The following TSGA10 variants were observed in gnomAD, a reference collection of about 807,000 sequenced individuals.
TSGA10 encodes the protein testis-specific gene 10 protein.
TSGA10 carries 43 observed loss-of-function variants against 96.6 expected under a neutral mutation model. That is an observed-to-expected ratio of 0.44 (90% CI 0.35 to 0.57). TSGA10 has a LOEUF of 0.57. Ranked by LOEUF, TSGA10 falls within the 20% of genes least tolerant of loss-of-function variation. The pLI is 0.01. For missense variants in TSGA10, 703 were observed against 834.4 expected, an observed-to-expected ratio of 0.84 and a Z score of 1.94; for synonymous variants, 229 against 269.9, an observed-to-expected ratio of 0.85 and a Z score of 1.48.
intron 1 of TSGA10, chr2:99,147,599 T>C: frequency 1.0e-6 from 1 of 977,102 alleles, no homozygotes; most frequent in Non-Finnish European, 1.6e-6. Context: ...GTTACCATTC[T>C]TTTACGTTTG....
At chr2:99,143,311 T>G (rs557729134) in intron 1 of TSGA10, among the ~76,000 whole-genome samples, 10 of 151,298 alleles carry the variant, frequency 6.6e-5, no homozygotes, top group East Asian at 2.0e-4. Context: ...CCAGCTTTTT[T>G]TTTGTTTGTT....
Position 99,108,933 on chromosome 2 carries a change from T to G in TSGA10, c.110A>C (p.Lys37Thr). The change falls in exon 7 of 21, where the codon AAA becomes ACA. Residue 37 changes from lysine (K) to threonine (T), a missense_variant. This residue lies in a region of TSGA10 where 585 missense variants were observed against 656.8 expected (regional missense o/e 0.89). Coordinates refer to ENST00000393483, the MANE Select transcript of TSGA10 (RefSeq NM_025244.4). ...GCGCTCATATTTTTCCAGCATGCAT[T>G]TAAGTTCTTCACGATCTCTTGTTGT... The part of the protein sequence containing the change: ...KTTTRDREEL[K>T]CMLEKYERHL... The G allele has an allele frequency of 6.2e-7, 1 of 1,608,174 alleles. No homozygotes were observed.
chr2:99,113,770 C>G (rs991570125), intron 4 of TSGA10, among the ~76,000 whole-genome samples: 12 of 152,012 alleles, frequency 7.9e-5, no homozygotes, highest in Non-Finnish European at 2.9e-5. Context: ...TGGTCTTGAA[C>G]TCCTGACCTG....
At chr2:99,119,382 T>C (rs1421275511) in intron 2 of TSGA10, among the ~76,000 whole-genome samples, 1 of 152,164 alleles carries the variant, frequency 6.6e-6, no homozygotes. Flanking sequence ...AACCTTATGT[T>C]GCCTCATGAC....
rs750757651 is a variant in TSGA10 at position 99,104,118 on chromosome 2, G to C, written c.460C>G (p.Leu154Val). ...IEELECTVHN[L>V]DDERMEQMSN... The stretch of plus-strand genomic sequence containing the variant: ...ATTTGCTCCATACGTTCATCATCAA[G>C]CTATACAAGTAGAATGACAAGGTTA... Residue 154 changes from leucine to valine, a missense_variant and splice_region_variant, in exon 10 of 21, where the codon CTT becomes GTT. This residue lies in a region of TSGA10 where 585 missense variants were observed against 656.8 expected (regional missense o/e 0.89). Transcript: ENST00000393483. The C allele has an allele frequency of 6.2e-7, 1 of 1,613,286 alleles. No homozygotes were observed. Among genetic ancestry groups the C allele is most frequent in the Non-Finnish European group, 8.5e-7 (1 of 1,179,814 alleles).
chr2:99,129,744 T>C lies in TSGA10; in HGVS notation c.-620-2568A>G, dbSNP rs142259716. On this transcript the variant is annotated intron_variant, in intron 1 of 20. Transcript: ENST00000393483. ...AAGGCAAGTGAAACAATGTTCCTTCTTAAAAAAAATTATTTTTTCTTTTTT... is the reference window on the plus strand; with the variant it reads ...AAGGCAAGTGAAACAATGTTCCTTCCTAAAAAAAATTATTTTTTCTTTTTT... 1.1e-4 allele frequency among the ~76,000 whole-genome samples: 17 copies of C among 152,306 alleles called. No individual in the cohort carries two copies. In the East Asian group the frequency reaches 3.1e-3, roughly 28 times the overall value.
chr2:99,020,135 G>C, intron 18 of TSGA10, 145 bp downstream of exon 18: 1 of 624,122 alleles, frequency 1.6e-6, no homozygotes, highest in East Asian at 2.8e-5. Context: ...AATAGAAAAA[G>C]TACCACCTCT....
chr2:99,148,396 A>G (rs2105144103), intron 1 of TSGA10: 1 of 152,328 alleles, frequency 6.6e-6, no homozygotes, highest in South Asian at 2.1e-4. Context: ...AGAGATATTA[A>G]AAAATTTAGC....
intron 16 of TSGA10, among the ~76,000 whole-genome samples, chr2:99,048,885 A>G (rs577479132): frequency 3.6e-4 from 54 of 152,100 alleles, no homozygotes; most frequent in Non-Finnish European, 6.6e-4. Context: ...AATTTAGAAG[A>G]AAAAAAACAG....
At chr2:99,109,233 T>C (rs1011782522) in intron 6 of TSGA10, among the ~76,000 whole-genome samples, 156 bp downstream of exon 6, 2 of 152,226 alleles carry the variant, frequency 1.3e-5, no homozygotes, top group African/African-American at 2.4e-5. Flanking sequence ...ATCAGTAGTC[T>C]ACTGTGCCAT....
chr2:99,105,385 C>G lies in TSGA10; in HGVS notation c.433G>C (p.Glu145Gln), dbSNP rs201326323. 6.2e-7 allele frequency: 1 copy of G among 1,611,584 alleles called. No homozygotes were observed. The highest frequency in any genetic ancestry group is 8.5e-7 in the Non-Finnish European group (1 of 1,179,526). Residue 145 changes from glutamate (E) to glutamine (Q), a missense_variant, in exon 9 of 21, where the codon GAG becomes CAG. This residue lies in a region of TSGA10 where 585 missense variants were observed against 656.8 expected (regional missense o/e 0.89). Coordinates refer to ENST00000393483, the MANE Select transcript of TSGA10 (RefSeq NM_025244.4). ...NEKAHLEQRI[E>Q]ELECTVHNLD... ...TTATGAACTGTACACTCCAGCTCCT[C>G]TATCCTTTGTTCCAGGTGAGCCTTC...
At chr2:99,061,586 G>A (rs1010689660) in intron 16 of TSGA10, among the ~76,000 whole-genome samples, 1 of 151,946 alleles carries the variant, frequency 6.6e-6, no homozygotes, top group East Asian at 1.9e-4. Flanking sequence ...AATTTGTCAG[G>A]TTTTTACAAA....
intron 16 of TSGA10, among the ~76,000 whole-genome samples, chr2:99,037,819 C>A (rs2105101765): frequency 6.6e-6 from 1 of 152,050 alleles, no homozygotes; most frequent in East Asian, 1.9e-4. Flanking sequence ...CATTGCACTG[C>A]CCCTGGTCAA....
chr2:99,055,206 A>C (rs1161603356), intron 16 of TSGA10, among the ~76,000 whole-genome samples: 1 of 152,198 alleles, frequency 6.6e-6, no homozygotes, highest in Non-Finnish European at 1.5e-5. Context: ...GCCATTTGTG[A>C]CCACATGGAT....
rs148224475 is a variant in TSGA10, at chr2:99,122,615, CAAAAAAAA to C, written c.-491-3937_-491-3930del. ...AAACATGGCAAAACTCCATCTCTACCAAAAAAAAAAAAAAAAAAAAAAAAAATCAGCCA... is the reference window on the plus strand; with the variant it reads ...AAACATGGCAAAACTCCATCTCTACCAAAAAAAAAAAAAAAAAATCAGCCA... On this transcript the variant is annotated intron_variant, in intron 2 of 20. Transcript: ENST00000393483. Among the ~76,000 whole-genome samples, 9 of 53,270 alleles carry C rather than the reference CAAAAAAAA, an allele frequency of 1.7e-4. No individual in the cohort carries two copies. In the South Asian group the frequency reaches 2.3e-3, roughly 14 times the overall value. 34.9% of individuals were successfully genotyped at this position (53,270 alleles called of 152,430 possible).
rs1428696919 is a variant in TSGA10 at position 99,069,126 on chromosome 2, T to TA, written c.1108-129dup. On this transcript the variant is annotated intron_variant, in intron 14 of 20. Transcript: ENST00000393483. ...AACATACCTAATATATAAACTCATA[T>TA]AAAAAAAGAAAACACATAAGCCCAA... 1.2e-5 allele frequency: 5 copies of TA among 430,452 alleles called. No homozygotes were observed. In the Admixed American group the frequency reaches 1.8e-4, roughly 15 times the overall value. The allele number at this position is 430,452 out of a possible 1,614,324, so 26.7% of individuals were successfully genotyped here. A position where few individuals can be genotyped will look rare whatever the true frequency, so the allele number is the denominator to read the frequency against.
intron 17 of TSGA10, among the ~76,000 whole-genome samples, chr2:99,030,738 A>C (rs939798992): frequency 3.9e-5 from 6 of 152,184 alleles, no homozygotes; most frequent in African/African-American, 1.4e-4. Flanking sequence ...TAACACTAAA[A>C]TACCACTTAC....
intron 1 of TSGA10, among the ~76,000 whole-genome samples, chr2:99,153,960 C>A (rs1461408948): frequency 2.0e-5 from 3 of 152,204 alleles, no homozygotes; most frequent in Admixed American, 6.5e-5. Flanking sequence ...ACCACAAATT[C>A]TTTGGGCTTC....
rs908384378 is a variant in TSGA10, at chr2:99,097,220, A to AAT, written c.611+6745_611+6746dup. On this transcript the variant is annotated intron_variant, in intron 10 of 20. Transcript: ENST00000393483. ...TGCATATTAATGACCTGAATCTGAA[A>AAT]ATATATATATATAGGACCCCAAAAA... Among the ~76,000 whole-genome samples, 22 of 151,836 alleles carry AAT rather than the reference A, an allele frequency of 1.4e-4. No homozygotes were observed. The South Asian group carries it at 1.5e-3, about 10-fold the overall frequency.
Sources: allele counts gnomAD v4.1 joint callset (sites outside exome capture counted in the v4.1 genomes callset), GRCh38; gene constraint gnomAD v4.1.1; regional missense constraint gnomAD v4.1.1; transcripts MANE v1.5; gene names NCBI Gene and HGNC (gene_info 2026-07-23, HGNC 2026-07-21).